Variants in CEP112 observed in about 807,000 individuals in gnomAD.
CEP112 encodes the protein centrosomal protein of 112 kDa.
A neutral mutation model predicts 153.0 loss-of-function variants in CEP112; 127 were observed. The observed-to-expected ratio is 0.83, with a 90% CI of 0.72 to 0.96. The LOEUF is 0.96. Among genes scored for constraint, CEP112 ranks in the 40% least tolerant of loss-of-function variants. The probability of loss-of-function intolerance (pLI) is 0.00; values close to 1 mark genes in which losing one functional copy is unlikely to be tolerated. For synonymous variants in CEP112, 358 were observed against 374.4 expected, an observed-to-expected ratio of 0.96 and a Z score of 0.51; for missense variants, 1,089 against 1,101.2, an observed-to-expected ratio of 0.99 and a Z score of 0.16.
chr17:65,681,444 C>G (rs1287958046), intron 24 of CEP112, among the ~76,000 whole-genome samples: 2 of 151,536 alleles, frequency 1.3e-5, no homozygotes, highest in Non-Finnish European at 2.9e-5. Flanking sequence ...CAAGACGACT[C>G]TGACATGCTT....
chr17:65,825,008 A>G (rs1471566317), intron 21 of CEP112, among the ~76,000 whole-genome samples: 3 of 152,218 alleles, frequency 2.0e-5, no homozygotes, highest in African/African-American at 7.2e-5. Flanking sequence ...CAGAAACTAG[A>G]ACAGATATTT....
intron 21 of CEP112, among the ~76,000 whole-genome samples, chr17:65,817,161 T>C (rs528931551): frequency 6.6e-6 from 1 of 152,056 alleles, no homozygotes; most frequent in South Asian, 2.1e-4. Flanking sequence ...TTATACAAAA[T>C]TAATTTTAAA....
At chr17:65,649,837 T>C (rs1438874773) in intron 24 of CEP112, among the ~76,000 whole-genome samples, 2 of 152,150 alleles carry the variant, frequency 1.3e-5, no homozygotes, top group Non-Finnish European at 2.9e-5. Context: ...GTTATCTCCT[T>C]AATCTCTTTC....
intron 4 of CEP112, among the ~76,000 whole-genome samples, chr17:66,146,897 T>C (rs1004255006): frequency 1.3e-5 from 2 of 152,162 alleles, no homozygotes; most frequent in Non-Finnish European, 2.9e-5. Flanking sequence ...ATTTTGCTAA[T>C]CTATTCATCT....
chr17:65,660,250 CTTTCTTTT>C (rs1270640754), intron 24 of CEP112, among the ~76,000 whole-genome samples: 5 of 92,844 alleles, frequency 5.4e-5, no homozygotes. Context: ...TTTTTGTTTT[CTTTCTTTT>C]TTCTTTTCTT....
intron 21 of CEP112, among the ~76,000 whole-genome samples, chr17:65,803,390 G>A (rs193257347): frequency 6.6e-6 from 1 of 152,328 alleles, no homozygotes. Context: ...ATGAAGATTA[G>A]AGTGGAGATA....
Position 65,643,650 on chromosome 17 carries a change from AG to A in CEP112, c.2698-2586del, listed in dbSNP as rs576097372. On this transcript the variant is annotated intron_variant, in intron 24 of 26. Transcript: ENST00000535342. ...TTGTACTATGTGGAGCGTTAGCAAC[AG>A]GTTGCAGTCAGCCAGGGTGAGCTCA... Among the ~76,000 whole-genome samples the A allele has an allele frequency of 1.1e-4, 16 of 152,272 alleles. No homozygotes were observed. In the South Asian group the frequency reaches 3.3e-3, roughly 32 times the overall value.
At chr17:66,084,877 G>A (rs2067859328) in intron 8 of CEP112, among the ~76,000 whole-genome samples, 1 of 152,130 alleles carries the variant, frequency 6.6e-6, no homozygotes, top group South Asian at 2.1e-4. Context: ...TTACCCTGAT[G>A]TGATTATTAT....
chr17:66,059,254 T>C (rs1395119332), intron 11 of CEP112, among the ~76,000 whole-genome samples: 1 of 152,142 alleles, frequency 6.6e-6, no homozygotes, highest in East Asian at 1.9e-4. Context: ...AAAGAATTTA[T>C]GATTAAATCC....
At chr17:66,048,956 TAAG>T (rs1469902243) in intron 12 of CEP112, among the ~76,000 whole-genome samples, 1 of 152,182 alleles carries the variant, frequency 6.6e-6, no homozygotes, top group Non-Finnish European at 1.5e-5. Context: ...TAAGTTAAAA[TAAG>T]AACTTCTTTC....
At chr17:65,854,210 A>C (rs2058056891) in intron 20 of CEP112, among the ~76,000 whole-genome samples, 1 of 152,208 alleles carries the variant, frequency 6.6e-6, no homozygotes, top group Admixed American at 6.5e-5. Context: ...CAGGAATCCA[A>C]ATGTCACATT....
At chr17:65,937,514 T>A (rs1226133504) in intron 18 of CEP112, among the ~76,000 whole-genome samples, 2 of 137,714 alleles carry the variant, frequency 1.5e-5, no homozygotes, top group South Asian at 2.7e-4. Flanking sequence ...CCGCCCCGTC[T>A]GAGAAGTGAG....
At chr17:66,167,395 C>T (rs1022287418) in intron 4 of CEP112, among the ~76,000 whole-genome samples, 3 of 151,496 alleles carry the variant, frequency 2.0e-5, no homozygotes, top group African/African-American at 4.8e-5. Context: ...CCTTACAACT[C>T]CATTTGCAAA....
At chr17:65,719,309 T>C (rs2049733143) in intron 23 of CEP112, among the ~76,000 whole-genome samples, 1 of 152,216 alleles carries the variant, frequency 6.6e-6, no homozygotes, top group Non-Finnish European at 1.5e-5. Context: ...GCGCAGGGGC[T>C]CATGCCTGTA....
chr17:66,095,629 G>A (rs549141082), intron 8 of CEP112, among the ~76,000 whole-genome samples: 3 of 152,220 alleles, frequency 2.0e-5, no homozygotes, highest in African/African-American at 7.2e-5. Context: ...ACAATGGATT[G>A]TATTTCAAAA....
chr17:65,765,216 TTG>T (rs2052882566), intron 21 of CEP112, among the ~76,000 whole-genome samples: 1 of 138,002 alleles, frequency 7.2e-6, no homozygotes, highest in African/African-American at 2.8e-5. Context: ...TATCATCAAA[TTG>T]TCTCTCTATA....
chr17:66,188,620 G>C (rs1334972758), intron 1 of CEP112, among the ~76,000 whole-genome samples: 7 of 148,188 alleles, frequency 4.7e-5, no homozygotes, highest in Non-Finnish European at 1.5e-5. Flanking sequence ...GTATTATTAT[G>C]CATACATCTT....
intron 18 of CEP112, among the ~76,000 whole-genome samples, chr17:65,929,049 T>C (rs1399592205): frequency 6.6e-6 from 1 of 152,194 alleles, no homozygotes; most frequent in Non-Finnish European, 1.5e-5. Flanking sequence ...GGTGAGATGG[T>C]GATCTGGGAC....
intron 24 of CEP112, among the ~76,000 whole-genome samples, chr17:65,685,961 C>A (rs1356001860): frequency 6.6e-6 from 1 of 151,910 alleles, no homozygotes; most frequent in South Asian, 2.1e-4. Context: ...CTGTGCCCAG[C>A]CTAATTCTAA....
Sources: allele counts gnomAD v4.1 joint callset (sites outside exome capture counted in the v4.1 genomes callset), GRCh38; gene constraint gnomAD v4.1.1; transcripts MANE v1.5; gene names NCBI Gene and HGNC (gene_info 2026-07-23, HGNC 2026-07-21).